Variants in UCK2 observed in about 807,000 individuals in gnomAD.
The protein encoded by UCK2 is uridine-cytidine kinase 2.
UCK2 carries 6 observed loss-of-function variants against 30.8 expected under a neutral mutation model. The observed-to-expected ratio is 0.19, with a 90% CI of 0.11 to 0.38. UCK2 has a LOEUF of 0.38. Ranked by LOEUF, UCK2 falls within the 10% of genes least tolerant of loss-of-function variation. The pLI is 1.00. For synonymous variants in UCK2, 125 were observed against 133.6 expected (o/e 0.94, Z 0.45); for missense variants, 210 against 339.8 (o/e 0.62, Z 3.00).
rs75296773 is a variant in UCK2, at chr1:165,900,967, T to C, written c.500-2215T>C. 4.1e-3 allele frequency among the ~76,000 whole-genome samples: 620 copies of C among 152,194 alleles called. 5 individuals carry two copies. The highest frequency in any genetic ancestry group is 0.014 in the African/African-American group (593 of 41,520). On this transcript the variant is annotated intron_variant, in intron 4 of 6. Transcript: ENST00000367879. ...TTTCTTTGGGCTTTATCTGGAGACG[T>C]GTGAAGAATTGGAGGCCGCGCTGGC...
At chr1:165,848,739 C>G (rs1403659187) in intron 1 of UCK2, among the ~76,000 whole-genome samples, 1 of 152,064 alleles carries the variant, frequency 6.6e-6, no homozygotes. Flanking sequence ...AATAGATGAC[C>G]TGTTATCTGT....
chr1:165,857,170 G>C (rs1654769108), intron 1 of UCK2, among the ~76,000 whole-genome samples: 1 of 152,102 alleles, frequency 6.6e-6, no homozygotes, highest in Admixed American at 6.5e-5. Context: ...CTAAGACTCA[G>C]AGAGGAAGTG....
At chr1:165,880,324 TG>T (rs1444508105) in intron 1 of UCK2, among the ~76,000 whole-genome samples, 2 of 152,188 alleles carry the variant, frequency 1.3e-5, no homozygotes, top group Non-Finnish European at 2.9e-5. Flanking sequence ...AGCAAGTGGG[TG>T]GGTTTTGGTG....
chr1:165,870,314 T>C (rs1417650569), intron 1 of UCK2, among the ~76,000 whole-genome samples: 3 of 151,388 alleles, frequency 2.0e-5, no homozygotes, highest in African/African-American at 7.3e-5. Context: ...TTTTTGAGCC[T>C]CAGTGTCTGG....
At chr1:165,903,034 C>G in intron 4 of UCK2, 148 bp from the exon 5 acceptor site, 1 of 576,458 alleles carries the variant, frequency 1.7e-6, no homozygotes, top group Non-Finnish European at 3.1e-6. Flanking sequence ...CGCTGCTGAT[C>G]TGCTCTTGGT....
intron 5 of UCK2, among the ~76,000 whole-genome samples, chr1:165,904,703 A>G (rs959249017): frequency 9.9e-5 from 15 of 152,280 alleles, no homozygotes; most frequent in African/African-American, 3.6e-4. Flanking sequence ...TGCTCAGTTC[A>G]AGTTGGGTTT....
chr1:165,879,084 A>G (rs1414322926), intron 1 of UCK2, among the ~76,000 whole-genome samples: 1 of 152,194 alleles, frequency 6.6e-6, no homozygotes, highest in East Asian at 1.9e-4. Flanking sequence ...ATCTTTCCAT[A>G]TGCTTATATG....
chr1:165,890,586 T>G (rs1655741094), intron 2 of UCK2, among the ~76,000 whole-genome samples: 1 of 152,226 alleles, frequency 6.6e-6, no homozygotes, highest in Non-Finnish European at 1.5e-5. Flanking sequence ...ATTGAATCTG[T>G]ATCTGAACAA....
At chr1:165,858,050 G>A (rs532334650) in intron 1 of UCK2, among the ~76,000 whole-genome samples, 1 of 152,254 alleles carries the variant, frequency 6.6e-6, no homozygotes, top group East Asian at 1.9e-4. Context: ...TTGGAAAAAG[G>A]TTTTTTTCCT....
intron 1 of UCK2, among the ~76,000 whole-genome samples, chr1:165,838,755 A>G: frequency 6.6e-6 from 1 of 151,246 alleles, no homozygotes; most frequent in Non-Finnish European, 1.5e-5. Flanking sequence ...GTGGTGCATT[A>G]AAAAAAATCA....
chr1:165,892,889 G>C (rs953272251), intron 3 of UCK2: 6 of 152,660 alleles, frequency 3.9e-5, no homozygotes, highest in African/African-American at 1.4e-4. Flanking sequence ...GCATGGATCA[G>C]CTTGGTTGGG....
At chr1:165,868,056 TCTC>T (rs1204967554) in intron 1 of UCK2, among the ~76,000 whole-genome samples, 4 of 152,230 alleles carry the variant, frequency 2.6e-5, no homozygotes, top group Admixed American at 1.3e-4. Context: ...ATAACATTAA[TCTC>T]CTTGTACATC....
At chr1:165,894,935 T>G (rs1222448131) in intron 3 of UCK2, among the ~76,000 whole-genome samples, 1 of 152,202 alleles carries the variant, frequency 6.6e-6, no homozygotes, top group African/African-American at 2.4e-5. Flanking sequence ...CAATGATGAT[T>G]ATTTCTCTAT....
chr1:165,884,127 A>G (rs1220531644), intron 1 of UCK2, among the ~76,000 whole-genome samples: 1 of 152,224 alleles, frequency 6.6e-6, no homozygotes, highest in Non-Finnish European at 1.5e-5. Context: ...GCTACTGCCA[A>G]GAGTAATTGA....
At chr1:165,898,224 G>A (rs1371229862) in intron 4 of UCK2, among the ~76,000 whole-genome samples, 1 of 151,362 alleles carries the variant, frequency 6.6e-6, no homozygotes, top group East Asian at 1.9e-4. Context: ...CTGAGATCCT[G>A]GTTTTACCAC....
At chr1:165,890,107 C>T in intron 1 of UCK2, 97 bp from the exon 2 acceptor site, 1 of 1,382,616 alleles carries the variant, frequency 7.2e-7, no homozygotes, top group East Asian at 2.3e-5. Context: ...AGAGCCCCTT[C>T]TTGGAAGGTG....
intron 1 of UCK2, among the ~76,000 whole-genome samples, chr1:165,837,782 T>A (rs558718517): frequency 6.6e-6 from 1 of 152,276 alleles, no homozygotes; most frequent in South Asian, 2.1e-4. Flanking sequence ...ATTAAGTAAT[T>A]TTTTTTCAAA....
At chr1:165,841,700 G>C (rs928815047) in intron 1 of UCK2, among the ~76,000 whole-genome samples, 60 of 152,284 alleles carry the variant, frequency 3.9e-4, no homozygotes, top group Non-Finnish European at 1.5e-4. Context: ...GTATGTTTAG[G>C]TCTGACTCAT....
intron 6 of UCK2, among the ~76,000 whole-genome samples, chr1:165,907,321 A>G (rs2101890490): frequency 6.6e-6 from 1 of 152,306 alleles, no homozygotes; most frequent in Non-Finnish European, 1.5e-5. Context: ...CCCTGGTGGA[A>G]AGGTCTCATA....
Sources: allele counts gnomAD v4.1 joint callset (sites outside exome capture counted in the v4.1 genomes callset), GRCh38; gene constraint gnomAD v4.1.1; transcripts MANE v1.5; gene names NCBI Gene and HGNC (gene_info 2026-07-23, HGNC 2026-07-21).